TDRP: variants seen among roughly 807,000 people sequenced by gnomAD.
The protein encoded by TDRP is testis development related protein, also known as testis development-related protein.
TDRP carries 12 observed loss-of-function variants against 10.5 expected under a neutral mutation model. The ratio of observed to expected loss-of-function variants is 1.15; its 90% CI spans 0.73 to 1.86. TDRP has a LOEUF of 1.86. TDRP is among the 40% of genes most tolerant of loss of function. The pLI is 0.00. For missense variants in TDRP, 353 were observed against 229.2 expected (o/e 1.54, Z -3.49); for synonymous variants, 139 against 95.4 (o/e 1.46, Z -2.67).
At position 492,852 on chromosome 8, in the gene TDRP, AAACT is replaced by A. The variant is rs1217539592; in HGVS notation, c.213-112_213-109del. On this transcript the variant is annotated intron_variant, in intron 2 of 2. Transcript: ENST00000324079. ...TTAAAATTTTAAAAAATTGTTTAGA[AAACT>A]AACACAAGTCTATATGAAAAGTTTC... 5.7e-5 allele frequency: 48 copies of A among 842,610 alleles called. No individual in the cohort carries two copies. The Middle Eastern group carries it at 7.4e-4, about 13-fold the overall frequency. The allele number at this position is 842,610 out of a possible 1,614,324, so 52.2% of individuals were successfully genotyped here.
At chr8:510,310 C>A (rs1048940296) in intron 1 of TDRP, among the ~76,000 whole-genome samples, 2 of 152,100 alleles carry the variant, frequency 1.3e-5, no homozygotes, top group East Asian at 3.9e-4. Context: ...CCCCCCATCC[C>A]GAGGCTATCT....
rs1326850676 is a variant in TDRP, at chr8:490,602, AG to A, written c.*1796del. 1 of 152,260 alleles carries A rather than the reference AG, an allele frequency of 6.6e-6. No homozygotes were observed. The highest frequency in any genetic ancestry group is 2.4e-5 in the African/African-American group (1 of 41,470). 9.4% of individuals were successfully genotyped at this position (152,260 alleles called of 1,614,324 possible). A position where few individuals can be genotyped will look rare whatever the true frequency, so the allele number is the denominator to read the frequency against. On this transcript the variant is annotated 3_prime_UTR_variant, in exon 3 of 3. Coordinates refer to ENST00000324079, the MANE Select transcript of TDRP (RefSeq NM_001384899.1). Reference sequence around the variant, plus strand: ...AAACCTACACTGACTTCCGCTGGAAAGTATTTGCAGAAGTCATGAAATGGTG... The same window carrying A: ...AAACCTACACTGACTTCCGCTGGAAATATTTGCAGAAGTCATGAAATGGTG...
At chr8:537,291 A>G (rs950117256) in intron 1 of TDRP, among the ~76,000 whole-genome samples, 1 of 152,200 alleles carries the variant, frequency 6.6e-6, no homozygotes, top group African/African-American at 2.4e-5. Context: ...TGCCTGTCGC[A>G]CAAGTGAGAA....
At chr8:544,023 C>A (rs1359810255) in intron 1 of TDRP, among the ~76,000 whole-genome samples, 1 of 152,120 alleles carries the variant, frequency 6.6e-6, no homozygotes, top group Non-Finnish European at 1.5e-5. Flanking sequence ...CCAAACATAT[C>A]TCTACACTCG....
intron 1 of TDRP, among the ~76,000 whole-genome samples, chr8:541,589 G>A (rs1024598057): frequency 2.1e-4 from 32 of 152,182 alleles, no homozygotes; most frequent in African/African-American, 7.2e-4. Flanking sequence ...ATTAAAAAAT[G>A]CGGAGAAAGA....
intron 1 of TDRP, among the ~76,000 whole-genome samples, chr8:520,242 A>G (rs1801866044): frequency 6.6e-6 from 1 of 152,226 alleles, no homozygotes; most frequent in Admixed American, 6.5e-5. Flanking sequence ...CATGAAGCAT[A>G]ATATTCTCAA....
In TDRP at chr8:491,518, T is replaced by C. The variant is rs896167889; in HGVS notation, c.*881A>G. On this transcript the variant is annotated 3_prime_UTR_variant, in exon 3 of 3. Transcript: ENST00000324079. ...CTTACAGATCTAACACCAATCACAA[T>C]AGGCATCTCGCTTTGCAAGAACAAA... 5.3e-5 allele frequency: 64 copies of C among 1,210,788 alleles called. 1 individual carries two copies. Among genetic ancestry groups the C allele is most frequent in the Middle Eastern group, 3.8e-4 (2 of 5,228 alleles). 75.0% of individuals were successfully genotyped at this position (1,210,788 alleles called of 1,614,324 possible).
At chr8:496,005 G>A (rs771055648) in intron 1 of TDRP, among the ~76,000 whole-genome samples, 2 of 152,234 alleles carry the variant, frequency 1.3e-5, no homozygotes, top group South Asian at 2.1e-4. Flanking sequence ...CTGGAGAGGC[G>A]TTTATGAATC....
intron 1 of TDRP, among the ~76,000 whole-genome samples, chr8:503,435 A>T (rs758772326): frequency 6.6e-6 from 1 of 151,506 alleles, no homozygotes; most frequent in Non-Finnish European, 1.5e-5. Flanking sequence ...ACGCATTGGA[A>T]CCCGTGCCCA....
chr8:543,533 G>C (rs940266144), intron 1 of TDRP, among the ~76,000 whole-genome samples: 1 of 150,570 alleles, frequency 6.6e-6, no homozygotes, highest in Non-Finnish European at 1.5e-5. Context: ...GCTGTTTAGA[G>C]TAACTATAAC....
chr8:535,940 T>C (rs1389879716), intron 1 of TDRP, among the ~76,000 whole-genome samples: 2 of 152,056 alleles, frequency 1.3e-5, no homozygotes, highest in African/African-American at 4.8e-5. Context: ...TTCAAGACAG[T>C]GACTGACTCA....
intron 2 of TDRP, among the ~76,000 whole-genome samples, chr8:493,303 T>A (rs1563114617): frequency 1.3e-5 from 2 of 152,250 alleles, no homozygotes; most frequent in Non-Finnish European, 2.9e-5. Context: ...GAGCATCACC[T>A]GGGAACATTG....
chr8:513,460 A>G (rs939861963), intron 1 of TDRP, among the ~76,000 whole-genome samples: 1 of 152,204 alleles, frequency 6.6e-6, no homozygotes, highest in Non-Finnish European at 1.5e-5. Context: ...ATACTCTTTC[A>G]TGATAAAAAC....
chr8:496,526 C>T (rs1378749627), intron 1 of TDRP, among the ~76,000 whole-genome samples: 1 of 152,198 alleles, frequency 6.6e-6, no homozygotes, highest in Non-Finnish European at 1.5e-5. Context: ...GGAAGCAAAG[C>T]CAAGGCTTGA....
chr8:493,990 G>GTTTTTTTTTTTTTT (rs1303603080), intron 2 of TDRP, among the ~76,000 whole-genome samples: 2 of 80,036 alleles, frequency 2.5e-5, no homozygotes, highest in Non-Finnish European at 2.4e-5. Flanking sequence ...ACTCATTTCT[G>GTTTTTTTTTTTTTT]TTGTTTTTTT....
intron 1 of TDRP, among the ~76,000 whole-genome samples, chr8:506,284 A>G (rs905427309): frequency 1.3e-5 from 2 of 152,230 alleles, no homozygotes; most frequent in African/African-American, 4.8e-5. Flanking sequence ...AAAGATGAGC[A>G]AACAAGACCA....
chr8:544,728 C>T lies in TDRP; in HGVS notation c.30G>A (p.Leu10=). MWKLGRGRV[L]LDEPPEEEDG... The stretch of plus-strand genomic sequence containing the variant: ...CCTCCTCCTCGGGGGGCTCGTCCAG[C>T]AGCACTCGGCCCCGGCCCAGCTTCC... The change falls in exon 1 of 3, where the codon CTG becomes CTA. Residue 10 remains leucine (L), a synonymous_variant. Coordinates refer to ENST00000324079, the MANE Select transcript of TDRP (RefSeq NM_001384899.1). 8.0e-7 allele frequency: 1 copy of T among 1,243,080 alleles called. No homozygotes were observed. Among genetic ancestry groups the T allele is most frequent in the South Asian group, 3.8e-5 (1 of 26,436 alleles). 77.0% of individuals were successfully genotyped at this position (1,243,080 alleles called of 1,614,324 possible). A position where few individuals can be genotyped will look rare whatever the true frequency, so the allele number is the denominator to read the frequency against.
intron 1 of TDRP, among the ~76,000 whole-genome samples, chr8:535,134 G>A (rs141630657): frequency 6.6e-6 from 1 of 152,260 alleles, no homozygotes; most frequent in African/African-American, 2.4e-5. Context: ...GCTACATCAT[G>A]GTTTTAATAT....
intron 1 of TDRP, among the ~76,000 whole-genome samples, chr8:537,483 G>T (rs1174107679): frequency 6.6e-6 from 1 of 152,182 alleles, no homozygotes; most frequent in Admixed American, 6.5e-5. Context: ...CTTTTAGTGT[G>T]TCTGTTTGCC....
Sources: gnomAD v4.1 joint callset for allele counts (sites outside exome capture counted in the v4.1 genomes callset) on GRCh38, gnomAD v4.1.1 for gene constraint, MANE v1.5 for transcripts, NCBI Gene and HGNC (gene_info 2026-07-23, HGNC 2026-07-21) for gene names.